The following TMPRSS15 variants were observed in gnomAD, a reference collection of about 807,000 sequenced individuals.
TMPRSS15 encodes transmembrane serine protease 15.
In TMPRSS15, 128 loss-of-function variants were observed where a neutral mutation model predicts 125.3. That is an observed-to-expected ratio of 1.02 (90% CI 0.89 to 1.18). The LOEUF (loss-of-function observed/expected upper bound fraction) is 1.18. TMPRSS15 is among the 50% of genes most tolerant of loss of function. The pLI is 0.00. For synonymous variants in TMPRSS15, 446 were observed against 423.2 expected (o/e 1.05, Z -0.66); for missense variants, 1,283 against 1,212.7 (o/e 1.06, Z -0.86).
intron 17 of TMPRSS15, among the ~76,000 whole-genome samples, chr21:18,314,439 TG>T (rs1397804500): frequency 1.0e-3 from 156 of 152,138 alleles, no homozygotes; most frequent in African/African-American, 3.2e-3. Flanking sequence ...CCACCACGCC[TG>T]GCAAATTTCG....
chr21:18,393,874 C>T (rs1200552520), intron 3 of TMPRSS15, among the ~76,000 whole-genome samples: 5 of 152,094 alleles, frequency 3.3e-5, no homozygotes, highest in African/African-American at 1.2e-4. Context: ...TATACCAATA[C>T]AAATTAAAAT....
intron 10 of TMPRSS15, 41 bp downstream of exon 10, chr21:18,352,862 G>A (rs761851718): frequency 3.8e-6 from 6 of 1,597,878 alleles, no homozygotes; most frequent in Admixed American, 3.3e-5. Context: ...TTTGATTTAT[G>A]AATTAAAATC....
At chr21:18,425,494 C>A (rs895990493) in intron 1 of TMPRSS15, among the ~76,000 whole-genome samples, 1 of 152,068 alleles carries the variant, frequency 6.6e-6, no homozygotes, top group African/African-American at 2.4e-5. Context: ...AGACTTCTGT[C>A]GGTCAATTAA....
At chr21:18,325,550 C>T (rs1450708452) in intron 16 of TMPRSS15, among the ~76,000 whole-genome samples, 4 of 151,926 alleles carry the variant, frequency 2.6e-5, no homozygotes, top group Non-Finnish European at 5.9e-5. Flanking sequence ...ATGAACTATC[C>T]AACCCTACCT....
At chr21:18,413,202 T>A in intron 1 of TMPRSS15, among the ~76,000 whole-genome samples, 1 of 139,916 alleles carries the variant, frequency 7.1e-6, no homozygotes, top group African/African-American at 2.6e-5. Context: ...CTGCCTTCCC[T>A]CCCTCCCTCC....
intron 5 of TMPRSS15, among the ~76,000 whole-genome samples, chr21:18,375,067 T>A (rs1182542790): frequency 6.6e-6 from 1 of 152,232 alleles, no homozygotes; most frequent in Admixed American, 6.5e-5. Context: ...TATTAGGTAT[T>A]GTTTTAAGTT....
At chr21:18,314,946 A>G (rs1036496972) in intron 17 of TMPRSS15, among the ~76,000 whole-genome samples, 200 bp downstream of exon 17, 6 of 152,174 alleles carry the variant, frequency 3.9e-5, no homozygotes, top group Admixed American at 3.9e-4. Context: ...GAAACAAACA[A>G]TAAACTGAGG....
chr21:18,435,076 A>G (rs1300998710), intron 1 of TMPRSS15, among the ~76,000 whole-genome samples: 1 of 151,346 alleles, frequency 6.6e-6, no homozygotes, highest in African/African-American at 2.5e-5. Flanking sequence ...TATAAAAAAC[A>G]CCAATTTTTT....
At chr21:18,377,077 T>C (rs2075851746) in intron 5 of TMPRSS15, among the ~76,000 whole-genome samples, 1 of 152,148 alleles carries the variant, frequency 6.6e-6, no homozygotes, top group Non-Finnish European at 1.5e-5. Context: ...AAATACATAG[T>C]ATCTTGCCGT....
intron 16 of TMPRSS15, among the ~76,000 whole-genome samples, chr21:18,317,818 C>CCA (rs1311487281): frequency 1.5e-4 from 18 of 118,252 alleles, no homozygotes; most frequent in South Asian, 3.4e-4. Context: ...CCATCCCATT[C>CCA]TATCCTATCC....
intron 1 of TMPRSS15, among the ~76,000 whole-genome samples, chr21:18,467,180 G>T (rs550000040): frequency 1.3e-5 from 2 of 152,180 alleles, no homozygotes; most frequent in East Asian, 3.9e-4. Flanking sequence ...AACACTGCAT[G>T]TTCTCACTCA....
upstream of TMPRSS15, among the ~76,000 whole-genome samples, chr21:18,406,586 G>A (rs943124568): frequency 2.1e-4 from 32 of 152,126 alleles, no homozygotes; most frequent in African/African-American, 6.8e-4. Context: ...GGTGGTCAAT[G>A]TTAGTAGTAG....
In TMPRSS15 at chr21:18,414,444, T is replaced by C. The variant is rs190863494; in HGVS notation, c.11-16115A>G. Among the ~76,000 whole-genome samples the C allele has an allele frequency of 8.3e-4, 127 of 152,356 alleles. No individual in the cohort carries two copies. In the Middle Eastern group the frequency reaches 0.01, roughly 12 times the overall value. ...ATTGTTAACTCTAGGCACTATGTTA[T>C]ACAGCAAATTTCTATAACCAGTTTA... On this transcript the variant is annotated intron_variant, in intron 1 of 7. Coordinates refer to the TMPRSS15 transcript ENST00000422787.
intron 8 of TMPRSS15, among the ~76,000 whole-genome samples, chr21:18,354,534 T>A (rs2075605272): frequency 6.6e-6 from 1 of 151,760 alleles, no homozygotes; most frequent in South Asian, 2.1e-4. Flanking sequence ...TATGAAAATG[T>A]ACAGCACATA....
intron 4 of TMPRSS15, among the ~76,000 whole-genome samples, chr21:18,380,844 G>A (rs146380069): frequency 2.4e-4 from 36 of 152,030 alleles, no homozygotes; most frequent in Non-Finnish European, 2.8e-4. Flanking sequence ...AAAGATATCC[G>A]TTTATTAATC....
chr21:18,433,663 C>CAAAAAAAAAAAAAAA (rs58432155), intron 1 of TMPRSS15, among the ~76,000 whole-genome samples: 17 of 62,386 alleles, frequency 2.7e-4, no homozygotes, highest in South Asian at 8.1e-4. Flanking sequence ...GACCTTGTCT[C>CAAAAAAAAAAAAAAA]AAAAAAAAAA....
intron 6 of TMPRSS15, among the ~76,000 whole-genome samples, chr21:18,365,964 A>G (rs1052424537): frequency 4.6e-5 from 7 of 151,596 alleles, no homozygotes; most frequent in Non-Finnish European, 8.8e-5. Context: ...CGATCTCCTG[A>G]CCATAGGTGA....
In TMPRSS15 at chr21:18,329,272, T is replaced by C. The variant is rs2075321776; in HGVS notation, c.1677A>G (p.Gln559=). 5 of 1,611,458 alleles carry C rather than the reference T, an allele frequency of 3.1e-6. No homozygotes were observed. Among genetic ancestry groups the C allele is most frequent in the Non-Finnish European group, 4.2e-6 (5 of 1,178,520 alleles). Residue 559 remains glutamine (Q), a synonymous_variant, in exon 15 of 25, where the codon CAA becomes CAG. Transcript: ENST00000284885. ...LAFCVWILNA[Q]KGKNIQLHFQ... is the part of the protein sequence containing the mutation. The stretch of plus-strand genomic sequence containing the variant: ...AATGAAGTTGTATATTCTTTCCTTT[T>C]TGTGCATTTAAAATCCAAACACCTA...
chr21:18,459,266 C>T (rs1265077534), intron 1 of TMPRSS15, among the ~76,000 whole-genome samples: 2 of 150,926 alleles, frequency 1.3e-5, no homozygotes, highest in Non-Finnish European at 2.9e-5. Flanking sequence ...AACAGGTCTA[C>T]TCTTTTTTTT....
Sources: allele counts gnomAD v4.1 joint callset (sites outside exome capture counted in the v4.1 genomes callset), GRCh38; gene constraint gnomAD v4.1.1; transcripts MANE v1.5; gene names NCBI Gene and HGNC (gene_info 2026-07-23, HGNC 2026-07-21).